The following FBRSL1 variants were observed in gnomAD, a reference collection of about 807,000 sequenced individuals.
The protein encoded by FBRSL1 is fibrosin like 1, also known as fibrosin-1-like protein.
Under a neutral mutation model 89.6 loss-of-function variants are expected in FBRSL1, and 51 were observed. The observed-to-expected ratio is 0.57, with a 90% confidence interval of 0.45 to 0.72. The LOEUF (loss-of-function observed/expected upper bound fraction) is 0.72, where lower values mean the gene tolerates loss of function less well. FBRSL1 is among the 30% of genes least tolerant of loss of function. FBRSL1 has a pLI of 0.00. For missense variants in FBRSL1, 1,618 were observed against 1,451.8 expected (o/e 1.11, Z -1.86); for synonymous variants, 779 against 681.1 (o/e 1.14, Z -2.24).
At chr12:132,568,096 G>A (rs548841711) in intron 6 of FBRSL1, among the ~76,000 whole-genome samples, 1 of 147,958 alleles carries the variant, frequency 6.8e-6, no homozygotes, top group African/African-American at 2.7e-5. Context: ...GCTGTGGGGC[G>A]GGGTGTCCAC....
chr12:132,582,414 C>CT (rs2040832973), intron 18 of FBRSL1, 148 bp downstream of exon 18: 1 of 599,368 alleles, frequency 1.7e-6, no homozygotes, highest in East Asian at 2.8e-5. Flanking sequence ...TCCCCTTCCC[C>CT]GTTCCCCCTC....
intron 5 of FBRSL1, among the ~76,000 whole-genome samples, chr12:132,556,500 CA>C: frequency 6.6e-6 from 1 of 150,992 alleles, no homozygotes; most frequent in Admixed American, 6.6e-5. Context: ...TGCTGCACCC[CA>C]ACCCCTGTCC....
At chr12:132,579,969 G>A (rs1483148697) in intron 15 of FBRSL1, among the ~76,000 whole-genome samples, 3 of 152,094 alleles carry the variant, frequency 2.0e-5, no homozygotes, top group African/African-American at 4.8e-5. Context: ...CGTAGCTGTC[G>A]GTGTCCATCC....
intron 15 of FBRSL1, among the ~76,000 whole-genome samples, chr12:132,578,294 G>A (rs915974883): frequency 6.6e-6 from 1 of 150,770 alleles, no homozygotes; most frequent in South Asian, 2.1e-4. Flanking sequence ...GCAGTGAGCC[G>A]TGATTGCACC....
At chr12:132,493,004 C>T (rs1015121559) in intron 1 of FBRSL1, among the ~76,000 whole-genome samples, 4 of 152,256 alleles carry the variant, frequency 2.6e-5, no homozygotes, top group Admixed American at 6.5e-5. Context: ...TCTGAGCTGC[C>T]TTTCACAGAC....
chr12:132,505,202 A>G (rs908089709), intron 1 of FBRSL1, among the ~76,000 whole-genome samples: 1 of 152,190 alleles, frequency 6.6e-6, no homozygotes, highest in African/African-American at 2.4e-5. Context: ...GGTGAACACG[A>G]TGAAGTGGGT....
chr12:132,578,343 T>TCTCACACACACACACACACA (rs147345475), intron 15 of FBRSL1, among the ~76,000 whole-genome samples: 81 of 141,106 alleles, frequency 5.7e-4, no homozygotes, highest in Middle Eastern at 3.6e-3. Flanking sequence ...AGACCCTGTC[T>TCTCACACACACACACACACA]CACACACACA....
chr12:132,525,386 G>A (rs1054953469), intron 2 of FBRSL1, among the ~76,000 whole-genome samples: 10 of 152,196 alleles, frequency 6.6e-5, no homozygotes, highest in African/African-American at 1.4e-4. Flanking sequence ...CAAAGTCAGC[G>A]GCTTGTGGAA....
At position 132,583,329 on chromosome 12, in the gene FBRSL1, C is replaced by G; in HGVS notation, c.2560C>G (p.Pro854Ala). 7 of 1,186,070 alleles carry G rather than the reference C, an allele frequency of 5.9e-6. No individual in the cohort carries two copies. Among genetic ancestry groups the G allele is most frequent in the Admixed American group, 4.8e-5 (1 of 21,016 alleles). The allele number at this position is 1,186,070 out of a possible 1,614,324, so 73.5% of individuals were successfully genotyped here. Reference sequence around the variant, plus strand: ...GGGCGCGCCGGGCTTCGCGTGGGAGCCTTTCCGCGGCCTGGAGCTGCCACG... The same window carrying G: ...GGGCGCGCCGGGCTTCGCGTGGGAGGCTTTCCGCGGCCTGGAGCTGCCACG... The part of the protein sequence containing the change: ...RLGAPGFAWE[P>A]FRGLELPRRA... Residue 854 changes from proline (P) to alanine (A), a missense_variant, in exon 19 of 19, where the codon CCT becomes GCT. By Grantham distance (27) the Pro-to-Ala change is conservative. Coordinates refer to ENST00000680143, the MANE Select transcript of FBRSL1 (RefSeq NM_001367871.1).
intron 4 of FBRSL1, among the ~76,000 whole-genome samples, chr12:132,529,279 G>A (rs1287373709): frequency 6.6e-6 from 1 of 152,232 alleles, no homozygotes; most frequent in East Asian, 1.9e-4. Context: ...GCCTGGTGGG[G>A]ACGGCCCCCC....
chr12:132,521,365 G>A (rs1004431837), intron 2 of FBRSL1, among the ~76,000 whole-genome samples: 3 of 152,196 alleles, frequency 2.0e-5, no homozygotes, highest in African/African-American at 2.4e-5. Flanking sequence ...TCGCGTTCCC[G>A]TCTCCTGCTG....
chr12:132,504,466 G>A (rs933009539), intron 1 of FBRSL1, among the ~76,000 whole-genome samples: 1 of 152,172 alleles, frequency 6.6e-6, no homozygotes, highest in Non-Finnish European at 1.5e-5. Context: ...GAGGTCTGGG[G>A]CCCTAGCCAC....
chr12:132,491,156 T>TAA (rs1168791831), intron 1 of FBRSL1, among the ~76,000 whole-genome samples: 1 of 152,238 alleles, frequency 6.6e-6, no homozygotes, highest in African/African-American at 2.4e-5. Flanking sequence ...GTCGGCCTTT[T>TAA]ATCAGTTGTG....
intron 2 of FBRSL1, among the ~76,000 whole-genome samples, chr12:132,521,291 C>G (rs532274944): frequency 3.3e-5 from 5 of 152,200 alleles, no homozygotes; most frequent in African/African-American, 1.2e-4. Flanking sequence ...ACACTCATTT[C>G]CACTCAGACA....
At position 132,508,163 on chromosome 12, in the gene FBRSL1, C is replaced by T; in HGVS notation, c.302C>T (p.Ala101Val). The T allele has an allele frequency of 6.4e-7, 1 of 1,551,136 alleles. No individual in the cohort carries two copies. The highest frequency in any genetic ancestry group is 2.0e-5 in the Admixed American group (1 of 51,000). The stretch of plus-strand genomic sequence containing the variant: ...CCTGTCTCCCTGCAGAAGGATATGG[C>T]CCTGAAGCCACATGAGCGGAAGGAG... Reference protein sequence around the residue: ...STLEALEKDMALKPHERKEKW... With the variant: ...STLEALEKDMVLKPHERKEKW... The change falls in exon 2 of 19, where the codon GCC becomes GTC. Residue 101 changes from alanine to valine, a missense_variant. Coordinates refer to ENST00000680143, the MANE Select transcript of FBRSL1 (RefSeq NM_001367871.1).
At chr12:132,514,802 C>T (rs1022552010) in intron 2 of FBRSL1, among the ~76,000 whole-genome samples, 58 of 152,206 alleles carry the variant, frequency 3.8e-4, no homozygotes, top group Middle Eastern at 3.4e-3. Context: ...TTATGTGAGC[C>T]ACATATAGAG....
Position 132,583,426 on chromosome 12 carries a change from G to T in FBRSL1, c.2657G>T (p.Arg886Leu). ...TTGGAGCCCCCGGAGCGCCCCTACCGCGACCGCGAGCCCCACGGCTACAGC... is the reference window on the plus strand; with the variant it reads ...TTGGAGCCCCCGGAGCGCCCCTACCTCGACCGCGAGCCCCACGGCTACAGC... ...ALLEPPERPY[R>L]DREPHGYSPE... The change falls in exon 19 of 19, where the codon CGC becomes CTC. Residue 886 changes from arginine (R) to leucine (L), a missense_variant. By Grantham distance (102) the Arg-to-Leu change is moderately radical. Transcript: ENST00000680143. 5 of 1,073,592 alleles carry T rather than the reference G, an allele frequency of 4.7e-6. No homozygotes were observed. The highest frequency in any genetic ancestry group is 5.6e-6 in the Non-Finnish European group (5 of 885,884). The allele number at this position is 1,073,592 out of a possible 1,614,324, so 66.5% of individuals were successfully genotyped here. A position where few individuals can be genotyped will look rare whatever the true frequency, so the allele number is the denominator to read the frequency against.
At chr12:132,582,034 C>A in intron 17 of FBRSL1, 28 bp from the exon 18 acceptor site, 2 of 1,522,648 alleles carry the variant, frequency 1.3e-6, no homozygotes, top group South Asian at 1.2e-5. Flanking sequence ...ACAGACCCAA[C>A]CTCATGCTCC....
chr12:132,570,214 C>T lies in FBRSL1; in HGVS notation c.980C>T (p.Ala327Val), dbSNP rs1424626389. The T allele has an allele frequency of 1.1e-5, 17 of 1,500,490 alleles. No individual in the cohort carries two copies. Among genetic ancestry groups the T allele is most frequent in the African/African-American group, 1.0e-4 (7 of 68,920 alleles). 92.9% of individuals were successfully genotyped at this position (1,500,490 alleles called of 1,614,324 possible). A position where few individuals can be genotyped will look rare whatever the true frequency, so the allele number is the denominator to read the frequency against. ...GGCGCCTTCGCGGGCCACAGCCAGGCGGCAGCCAACGGCCTGCACGGCCTC... is the reference window on the plus strand; with the variant it reads ...GGCGCCTTCGCGGGCCACAGCCAGGTGGCAGCCAACGGCCTGCACGGCCTC... ...SLGAFAGHSQ[A>V]AANGLHGLSR... Residue 327 changes from alanine to valine, a missense_variant, in exon 7 of 19, where the codon GCG (alanine) becomes GTG (valine). Transcript: ENST00000680143.
Sources: gnomAD v4.1 joint callset for allele counts (sites outside exome capture counted in the v4.1 genomes callset) on GRCh38, gnomAD v4.1.1 for gene constraint, MANE v1.5 for transcripts, NCBI Gene and HGNC (gene_info 2026-07-23, HGNC 2026-07-21) for gene names.